KLRD1: variants seen among roughly 807,000 people sequenced by gnomAD.
KLRD1 encodes the protein natural killer cells antigen CD94.
KLRD1 carries 21 observed loss-of-function variants against 22.6 expected under a neutral mutation model. The ratio of observed to expected loss-of-function variants is 0.93; its 90% confidence interval spans 0.66 to 1.34. The LOEUF is 1.34. Among genes scored for constraint, KLRD1 ranks in the 40% most tolerant of loss-of-function variants. KLRD1 has a pLI of 0.00. For synonymous variants in KLRD1, 59 were observed against 71.1 expected, an observed-to-expected ratio of 0.83 and a Z score of 0.85; for missense variants, 183 against 208.6, an observed-to-expected ratio of 0.88 and a Z score of 0.76.
rs747241701 is a variant in KLRD1 at position 10,286,662 on chromosome 12, C to CTTTTT, written c.-100-21293_-100-21289dup. 2.6e-3 allele frequency among the ~76,000 whole-genome samples: 140 copies of CTTTTT among 54,804 alleles called. 33 individuals are homozygous for CTTTTT. The highest frequency in any genetic ancestry group is 8.3e-3 in the African/African-American group (107 of 12,940). The allele number at this position is 54,804 out of a possible 152,430, so 36.0% of individuals were successfully genotyped here. On this transcript the variant is annotated intron_variant, in intron 1 of 5. Transcript: ENST00000544747. ...TCATCATTTTATTTCGCTTATGGTGCTTTTTTTTTTTTTTTTTTTTTTTTT... is the reference window on the plus strand; with the variant it reads ...TCATCATTTTATTTCGCTTATGGTGCTTTTTTTTTTTTTTTTTTTTTTTTTTTTTT...
rs1592105724 is a variant in KLRD1 at position 10,326,982 on chromosome 12, C to G, written c.*12189C>G. 6.6e-6 allele frequency: 1 copy of G among 152,286 alleles called. No individual in the cohort carries two copies. Among genetic ancestry groups the G allele is most frequent in the South Asian group, 2.1e-4 (1 of 4,828 alleles). 9.4% of individuals were successfully genotyped at this position (152,286 alleles called of 1,614,324 possible). On this transcript the variant is annotated 3_prime_UTR_variant, in exon 6 of 6. Coordinates refer to ENST00000336164, the MANE Select transcript of KLRD1 (RefSeq NM_002262.5). ...GGTGTCAGATTGATGATATCATTGC[C>G]AAAACCAATGTCAAAAGGTTTTCCT...
intron 1 of KLRD1, among the ~76,000 whole-genome samples, chr12:10,278,306 T>C (rs188623146): frequency 1.8e-4 from 28 of 152,312 alleles, no homozygotes; most frequent in Admixed American, 1.4e-3. Context: ...GTGAAAATAA[T>C]CCATGTCAGG....
chr12:10,242,653 C>T (rs1949252381), intron 1 of KLRD1, among the ~76,000 whole-genome samples: 1 of 152,184 alleles, frequency 6.6e-6, no homozygotes, highest in Admixed American at 6.5e-5. Flanking sequence ...TTCACAACTG[C>T]AACCACAATG....
In KLRD1 at chr12:10,243,631, A is replaced by AAAAAAAAAAAAAAAAAAAAAAAAAAG. The variant is rs771543645; in HGVS notation, c.-101+17400_-101+17401insAAAAAAAAAAAAAAAAAAAAAAAGAA. Among the ~76,000 whole-genome samples, 23 of 118,776 alleles carry AAAAAAAAAAAAAAAAAAAAAAAAAAG rather than the reference A, an allele frequency of 1.9e-4. 4 individuals carry two copies. The highest frequency in any genetic ancestry group is 7.5e-4 in the African/African-American group (18 of 24,114). 77.9% of individuals were successfully genotyped at this position (118,776 alleles called of 152,430 possible). Reference sequence around the variant, plus strand: ...CCAAAAAAAAAAAAAAAAAAAAAAAAAACCGAAATGAAAGATATGGAACAA... The same window carrying AAAAAAAAAAAAAAAAAAAAAAAAAAG: ...CCAAAAAAAAAAAAAAAAAAAAAAAAAAAAAAAAAAAAAAAAAAAAAAAAAGAACCGAAATGAAAGATATGGAACAA... On this transcript the variant is annotated intron_variant, in intron 1 of 5. Transcript: ENST00000544747.
At chr12:10,294,397 A>AT (rs1592067693) in intron 1 of KLRD1, among the ~76,000 whole-genome samples, 1 of 151,680 alleles carries the variant, frequency 6.6e-6, no homozygotes. Flanking sequence ...ATTCCTACCC[A>AT]TTTTTTTGTT....
In KLRD1 at chr12:10,319,150, T is replaced by A. The variant is rs915650692; in HGVS notation, c.*4357T>A. Reference sequence around the variant, plus strand: ...ACAAAAGAATTTTATTGACAAAACATATGGTGAGACAGATTTGGTCCACAG... The same window carrying A: ...ACAAAAGAATTTTATTGACAAAACAAATGGTGAGACAGATTTGGTCCACAG... On this transcript the variant is annotated 3_prime_UTR_variant, in exon 6 of 6. Transcript: ENST00000336164. 1 of 152,144 alleles carries A rather than the reference T, an allele frequency of 6.6e-6. No individual in the cohort carries two copies. The highest frequency in any genetic ancestry group is 1.5e-5 in the Non-Finnish European group (1 of 68,016). 9.4% of individuals were successfully genotyped at this position (152,144 alleles called of 1,614,324 possible). A position where few individuals can be genotyped will look rare whatever the true frequency, so the allele number is the denominator to read the frequency against.
rs912523029 is a variant in KLRD1, at chr12:10,320,753, T to A, written c.*5960T>A. ...GATTCTAAACAAGAAGGTGTGGGTG[T>A]GACTGAAATTTCCTGTAAATATCAT... On this transcript the variant is annotated 3_prime_UTR_variant, in exon 6 of 6. Transcript: ENST00000336164. 1.3e-5 allele frequency: 2 copies of A among 152,200 alleles called. No homozygotes were observed. The highest frequency in any genetic ancestry group is 4.8e-5 in the African/African-American group (2 of 41,448). 9.4% of individuals were successfully genotyped at this position (152,200 alleles called of 1,614,324 possible). A position where few individuals can be genotyped will look rare whatever the true frequency, so the allele number is the denominator to read the frequency against.
chr12:10,260,436 A>G (rs1469410311), intron 1 of KLRD1, among the ~76,000 whole-genome samples: 1 of 151,534 alleles, frequency 6.6e-6, no homozygotes, highest in Non-Finnish European at 1.5e-5. Flanking sequence ...GTAGTTTGAT[A>G]TTTTCTATCA....
At chr12:10,247,319 G>A (rs1195384312) in intron 1 of KLRD1, among the ~76,000 whole-genome samples, 1 of 151,982 alleles carries the variant, frequency 6.6e-6, no homozygotes, top group African/African-American at 2.4e-5. Flanking sequence ...TAAGTCATGA[G>A]AACAATTTAT....
Position 10,268,855 on chromosome 12 carries a change from A to G in KLRD1, c.-100-39123A>G, listed in dbSNP as rs146541857. Among the ~76,000 whole-genome samples the G allele has an allele frequency of 2.6e-3, 389 of 152,278 alleles. 1 individual carries two copies. The highest frequency in any genetic ancestry group is 8.9e-3 in the African/African-American group (370 of 41,558). On this transcript the variant is annotated intron_variant, in intron 1 of 5. Coordinates refer to the KLRD1 transcript ENST00000544747. ...GTTTGTATTTATTTCCTTTTCTCCT[A>G]TTGAAACATCTCTTGATAAGTGAAC...
At chr12:10,275,281 G>C (rs1949582920) in intron 1 of KLRD1, among the ~76,000 whole-genome samples, 1 of 152,170 alleles carries the variant, frequency 6.6e-6, no homozygotes, top group Non-Finnish European at 1.5e-5. Context: ...TTCTAGCTCT[G>C]AGTGTCTCAT....
At chr12:10,243,840 A>T (rs1398389252) in intron 1 of KLRD1, among the ~76,000 whole-genome samples, 1 of 152,180 alleles carries the variant, frequency 6.6e-6, no homozygotes, top group Non-Finnish European at 1.5e-5. Flanking sequence ...AGAGAAGATC[A>T]AATATAGTTT....
chr12:10,263,457 G>A (rs1949472143), intron 1 of KLRD1, among the ~76,000 whole-genome samples: 1 of 151,850 alleles, frequency 6.6e-6, no homozygotes, highest in African/African-American at 2.4e-5. Flanking sequence ...CACTAGAGAT[G>A]GCACAATTTG....
At chr12:10,312,793 C>T (rs1259982858) in intron 4 of KLRD1, among the ~76,000 whole-genome samples, 1 of 150,974 alleles carries the variant, frequency 6.6e-6, no homozygotes, top group Non-Finnish European at 1.5e-5. Flanking sequence ...CGAGACCATC[C>T]TGGCTAACAC....
At chr12:10,301,378 C>T (rs994820605), upstream of KLRD1, among the ~76,000 whole-genome samples, 1 of 152,190 alleles carries the variant, frequency 6.6e-6, no homozygotes, top group Admixed American at 6.5e-5. Context: ...CGGTGAGAAA[C>T]TGACACATGA....
chr12:10,302,693 A>G (rs1294828361), upstream of KLRD1, among the ~76,000 whole-genome samples: 1 of 151,734 alleles, frequency 6.6e-6, no homozygotes, highest in Non-Finnish European at 1.5e-5. Flanking sequence ...TCACGAGCTC[A>G]GTCTGCCTCT....
chr12:10,287,254 G>A (rs1226086360), intron 1 of KLRD1, among the ~76,000 whole-genome samples: 1 of 152,128 alleles, frequency 6.6e-6, no homozygotes, highest in Non-Finnish European at 1.5e-5. Flanking sequence ...GTAAGGCACA[G>A]GTTTGAAGTT....
chr12:10,270,010 A>G (rs192923983), intron 1 of KLRD1, among the ~76,000 whole-genome samples: 246 of 152,314 alleles, frequency 1.6e-3, no homozygotes, highest in Middle Eastern at 3.4e-3. Context: ...ATAATAAGTT[A>G]ACTTTTAACT....
chr12:10,298,213 C>T (rs1185264607), intron 1 of KLRD1, among the ~76,000 whole-genome samples: 2 of 152,168 alleles, frequency 1.3e-5, no homozygotes, highest in African/African-American at 4.8e-5. Flanking sequence ...ATGTGACTAT[C>T]AAACCAGAAC....
Sources: allele counts gnomAD v4.1 joint callset (sites outside exome capture counted in the v4.1 genomes callset), GRCh38; gene constraint gnomAD v4.1.1; transcripts MANE v1.5; gene names NCBI Gene and HGNC (gene_info 2026-07-23, HGNC 2026-07-21).